The following TMPRSS15 variants were observed in gnomAD, a reference collection of about 807,000 sequenced individuals.
The protein encoded by TMPRSS15 is transmembrane serine protease 15, also known as enteropeptidase.
A neutral mutation model predicts 125.3 loss-of-function variants in TMPRSS15; 128 were observed. The observed-to-expected ratio is 1.02, with a 90% CI of 0.89 to 1.18. TMPRSS15 has a LOEUF of 1.18. Among genes scored for constraint, TMPRSS15 ranks in the 50% most tolerant of loss-of-function variants. TMPRSS15 has a pLI of 0.00. For synonymous variants in TMPRSS15, 446 were observed against 423.2 expected (o/e 1.05, Z -0.66); for missense variants, 1,283 against 1,212.7 (o/e 1.06, Z -0.86).
intron 24 of TMPRSS15, among the ~76,000 whole-genome samples, chr21:18,271,517 T>C (rs184411833): frequency 5.3e-4 from 81 of 152,346 alleles, no homozygotes; most frequent in Non-Finnish European, 1.0e-4. Context: ...GACCTCAGTC[T>C]GTTTCCATTA....
chr21:18,365,358 G>GA, intron 6 of TMPRSS15, 110 bp from the exon 7 acceptor site: 1 of 856,978 alleles, frequency 1.2e-6, no homozygotes, highest in Non-Finnish European at 2.0e-6. Flanking sequence ...GTTATTTTAT[G>GA]AAACTGAAAT....
chr21:18,472,850 T>G (rs1465443413), intron 1 of TMPRSS15, among the ~76,000 whole-genome samples: 1 of 152,062 alleles, frequency 6.6e-6, no homozygotes, highest in Admixed American at 6.6e-5. Context: ...TCAATGACCT[T>G]GTTGAAAATG....
In TMPRSS15 at chr21:18,344,003, A is replaced by C; in HGVS notation, c.1229T>G (p.Leu410Ter). ...PGGRQERVGL[L>*]SLPLDPTLEP... Reference sequence around the variant, plus strand: ...CAAAGTGGGGTCCAAAGGGAGGCTTAAAAGCCCCACTCGTTCTTGTCTCCC... The same window carrying C: ...CAAAGTGGGGTCCAAAGGGAGGCTTCAAAGCCCCACTCGTTCTTGTCTCCC... Residue 410 changes from leucine to a stop codon, truncating the protein, a stop_gained, in exon 11 of 25, where the codon TTA becomes TGA. Transcript: ENST00000284885. LOFTEE classifies it high-confidence loss of function. The C allele has an allele frequency of 6.2e-7, 1 of 1,614,108 alleles. No individual in the cohort carries two copies. Among genetic ancestry groups the C allele is most frequent in the East Asian group, 2.2e-5 (1 of 44,870 alleles).
chr21:18,297,663 G>A (rs1409694864), intron 19 of TMPRSS15, 71 bp downstream of exon 19: 3 of 1,144,856 alleles, frequency 2.6e-6, no homozygotes, highest in Admixed American at 1.7e-5. Context: ...ATTCAAATCT[G>A]ACTGGCTTCA....
intron 18 of TMPRSS15, among the ~76,000 whole-genome samples, chr21:18,304,071 T>C (rs2075003962): frequency 6.6e-6 from 1 of 152,206 alleles, no homozygotes; most frequent in Non-Finnish European, 1.5e-5. Context: ...GATGATATCC[T>C]TCTCAGATTT....
chr21:18,393,596 A>G lies in TMPRSS15; in HGVS notation c.344+4283T>C, dbSNP rs976718526. Among the ~76,000 whole-genome samples, 3 of 152,310 alleles carry G rather than the reference A, an allele frequency of 2.0e-5. No homozygotes were observed. In the South Asian group the frequency reaches 6.2e-4, roughly 32 times the overall value. ...AAGAAAAGAAAAAAATTTTTCTTGCACTATCACACAAACTGTATATACAAC... is the reference window on the plus strand; with the variant it reads ...AAGAAAAGAAAAAAATTTTTCTTGCGCTATCACACAAACTGTATATACAAC... On this transcript the variant is annotated intron_variant, in intron 3 of 24. Transcript: ENST00000284885.
chr21:18,303,445 T>C (rs1359618513), intron 18 of TMPRSS15, among the ~76,000 whole-genome samples: 1 of 152,150 alleles, frequency 6.6e-6, no homozygotes, highest in Non-Finnish European at 1.5e-5. Context: ...TCGATTTTAT[T>C]CAAAAATTGT....
intron 1 of TMPRSS15, among the ~76,000 whole-genome samples, chr21:18,470,733 G>C (rs1277537972): frequency 6.6e-6 from 1 of 151,798 alleles, no homozygotes. Flanking sequence ...CGAGAGGAAA[G>C]GAAATATGAA....
At chr21:18,294,539 TAA>T in intron 20 of TMPRSS15, 62 bp downstream of exon 20, 1 of 1,602,462 alleles carries the variant, frequency 6.2e-7, no homozygotes, top group East Asian at 2.2e-5. Context: ...TCAGGTGACA[TAA>T]AACTCTATTC....
chr21:18,421,517 A>G (rs572667694), intron 1 of TMPRSS15, among the ~76,000 whole-genome samples: 1 of 152,314 alleles, frequency 6.6e-6, no homozygotes, highest in South Asian at 2.1e-4. Context: ...TGGTCAGTTA[A>G]CAATTTTTTC....
chr21:18,440,386 A>AAAAAAAAAAAAAAAAG (rs557806642), intron 1 of TMPRSS15, among the ~76,000 whole-genome samples: 2 of 133,528 alleles, frequency 1.5e-5, no homozygotes, highest in Non-Finnish European at 3.2e-5. Flanking sequence ...AAAAAAAAAA[A>AAAAAAAAAAAAAAAAG]AAAGAAAACT....
At chr21:18,436,104 T>C (rs2076227298) in intron 1 of TMPRSS15, among the ~76,000 whole-genome samples, 1 of 151,538 alleles carries the variant, frequency 6.6e-6, no homozygotes, top group African/African-American at 2.4e-5. Context: ...ATTAATTTTT[T>C]GAAGGGTTTT....
chr21:18,302,531 G>A (rs761033355), intron 18 of TMPRSS15, among the ~76,000 whole-genome samples: 2 of 152,196 alleles, frequency 1.3e-5, no homozygotes, highest in African/African-American at 2.4e-5. Flanking sequence ...AAACAGGTAA[G>A]TTTAATTAAT....
chr21:18,332,375 T>C (rs1433342319), intron 13 of TMPRSS15, among the ~76,000 whole-genome samples: 2 of 152,224 alleles, frequency 1.3e-5, no homozygotes, highest in African/African-American at 4.8e-5. Context: ...TGATCAGTGA[T>C]GTTGAGCTTT....
chr21:18,271,010 GA>G (rs1763199241), intron 24 of TMPRSS15, among the ~76,000 whole-genome samples: 1 of 152,122 alleles, frequency 6.6e-6, no homozygotes, highest in Admixed American at 6.6e-5. Context: ...TATCCTGAGA[GA>G]CTTTTTGTCT....
chr21:18,341,544 G>T lies in TMPRSS15; in HGVS notation c.1433C>A (p.Ala478Asp). The change falls in exon 13 of 25, where the codon GCT becomes GAT. Residue 478 changes from alanine (A) to aspartate (D), a missense_variant. Ala to Asp is a moderately radical substitution (Grantham distance 126, BLOSUM62 -2). Transcript: ENST00000284885. The part of the protein sequence containing the change: ...TLNETVKFKV[A>D]FNAFKNKILS... ...GATCTTGTTTTTAAAAGCATTAAAA[G>T]CAACCTGCAATTCAGAGAGGCATAT... is the stretch of plus-strand genomic sequence containing the variant. The T allele has an allele frequency of 6.2e-7, 1 of 1,613,950 alleles. No homozygotes were observed.
Position 18,343,584 on chromosome 21 carries a change from T to G in TMPRSS15, c.1350A>C (p.Thr450=). The change falls in exon 12 of 25, where the codon ACA becomes ACC. Residue 450 remains threonine (T), a synonymous_variant. Coordinates refer to ENST00000284885, the MANE Select transcript of TMPRSS15 (RefSeq NM_002772.3). ...CATAATTTCCTTCCTTTTGGAAAAC[T>G]GTCTTCTCCATATTTTGGTCATTGC... ...NISNDQNMEK[T]VFQKEGNYGD... The G allele has an allele frequency of 6.2e-7, 1 of 1,612,910 alleles. No homozygotes were observed. The highest frequency in any genetic ancestry group is 8.5e-7 in the Non-Finnish European group (1 of 1,178,968).
chr21:18,312,542 A>T (rs1009903487), intron 18 of TMPRSS15, among the ~76,000 whole-genome samples: 1 of 151,424 alleles, frequency 6.6e-6, no homozygotes, highest in Non-Finnish European at 1.5e-5. Flanking sequence ...CAAAAAAACT[A>T]TTGTAAATGT....
At chr21:18,326,297 T>A (rs2075289691) in intron 16 of TMPRSS15, 135 bp downstream of exon 16, 2 of 1,310,552 alleles carry the variant, frequency 1.5e-6, no homozygotes, top group South Asian at 2.4e-5. Flanking sequence ...GGAAAAATCA[T>A]CTTCATTAAG....
Sources: allele counts gnomAD v4.1 joint callset (sites outside exome capture counted in the v4.1 genomes callset), GRCh38; gene constraint gnomAD v4.1.1; transcripts MANE v1.5; gene names NCBI Gene and HGNC (gene_info 2026-07-23, HGNC 2026-07-21).